Variants in SRGAP3 observed in about 807,000 individuals in gnomAD.
SRGAP3 encodes SLIT-ROBO Rho GTPase-activating protein 3.
SRGAP3 carries 39 observed loss-of-function variants against 121.1 expected under a neutral mutation model. That is an observed-to-expected ratio of 0.32 (90% CI 0.25 to 0.42). The LOEUF (loss-of-function observed/expected upper bound fraction) is 0.42. Ranked by LOEUF, SRGAP3 falls within the 10% of genes least tolerant of loss-of-function variation. The pLI, the probability that SRGAP3 is intolerant of heterozygous loss-of-function variation, is 1.00. For synonymous variants in SRGAP3, 601 were observed against 570.0 expected, an observed-to-expected ratio of 1.05 and a Z score of -0.77; for missense variants, 1,213 against 1,470.6, an observed-to-expected ratio of 0.82 and a Z score of 2.86.
intron 1 of SRGAP3, chr3:9,193,947 T>G (rs1440565946): frequency 1.3e-5 from 2 of 152,288 alleles, no homozygotes; most frequent in African/African-American, 4.8e-5. Flanking sequence ...CTTCCATTGC[T>G]CACCCGCCCC....
chr3:9,134,193 C>T (rs576748632), intron 1 of SRGAP3, among the ~76,000 whole-genome samples: 1 of 152,284 alleles, frequency 6.6e-6, no homozygotes, highest in Admixed American at 6.5e-5. Flanking sequence ...CAGAGTATGA[C>T]AGCAAAGAGC....
chr3:9,016,014 G>T (rs1174112864), intron 14 of SRGAP3: 2 of 457,736 alleles, frequency 4.4e-6, no homozygotes, highest in Non-Finnish European at 8.0e-6. Flanking sequence ...CGCTCTTTCT[G>T]TATTTATATT....
intron 1 of SRGAP3, among the ~76,000 whole-genome samples, chr3:9,143,809 G>T (rs1010938209): frequency 6.6e-6 from 1 of 152,184 alleles, no homozygotes. Flanking sequence ...TCCCTGAGGA[G>T]ACAACACCTT....
chr3:9,096,681 T>C (rs1199155704), intron 3 of SRGAP3, among the ~76,000 whole-genome samples: 2 of 151,466 alleles, frequency 1.3e-5, no homozygotes, highest in Non-Finnish European at 2.9e-5. Flanking sequence ...AAAAAGAAAT[T>C]AGAGGTTATA....
intron 2 of SRGAP3, among the ~76,000 whole-genome samples, chr3:9,117,846 G>A (rs1382995690): frequency 6.6e-6 from 1 of 152,232 alleles, no homozygotes; most frequent in Non-Finnish European, 1.5e-5. Context: ...AGAGCCAGGT[G>A]CGGTGGTTCT....
At chr3:9,350,720 G>A (rs2030086555) in intron 1 of SRGAP3, among the ~76,000 whole-genome samples, 1 of 152,100 alleles carries the variant, frequency 6.6e-6, no homozygotes, top group South Asian at 2.1e-4. Flanking sequence ...GTGTTCACTT[G>A]CACATGTAAC....
At chr3:9,095,587 T>C (rs1947934119) in intron 3 of SRGAP3, among the ~76,000 whole-genome samples, 1 of 152,204 alleles carries the variant, frequency 6.6e-6, no homozygotes, top group Non-Finnish European at 1.5e-5. Flanking sequence ...TAAGTAGTCA[T>C]CCTTTTCCCT....
intron 1 of SRGAP3, among the ~76,000 whole-genome samples, chr3:9,144,839 T>C (rs922276514): frequency 2.0e-5 from 3 of 152,226 alleles, no homozygotes; most frequent in Non-Finnish European, 2.9e-5. Flanking sequence ...TGTGGTATAC[T>C]CACGTTTGGG....
At position 9,123,323 on chromosome 3, in the gene SRGAP3, T is replaced by C. The variant is rs1037203323; in HGVS notation, c.260+1402A>G. Among the ~76,000 whole-genome samples the C allele has an allele frequency of 9.9e-5, 15 of 152,052 alleles. No homozygotes were observed. The East Asian group carries it at 1.7e-3, about 18-fold the overall frequency. ...TGCCACTGAACTGTTCATTTAAAAATGATGAAAATGGTAAATTTTATATTA... is the reference window on the plus strand; with the variant it reads ...TGCCACTGAACTGTTCATTTAAAAACGATGAAAATGGTAAATTTTATATTA... On this transcript the variant is annotated intron_variant, in intron 2 of 21. Coordinates refer to ENST00000383836, the MANE Select transcript of SRGAP3 (RefSeq NM_014850.4).
chr3:9,177,598 C>T (rs917568116), intron 1 of SRGAP3, among the ~76,000 whole-genome samples: 1 of 152,162 alleles, frequency 6.6e-6, no homozygotes, highest in Non-Finnish European at 1.5e-5. Context: ...AGGAGCTCCA[C>T]TGTCAGGGGC....
chr3:9,339,545 A>G (rs1419057877), intron 1 of SRGAP3, among the ~76,000 whole-genome samples: 1 of 152,238 alleles, frequency 6.6e-6, no homozygotes, highest in African/African-American at 2.4e-5. Context: ...TGACTGTGGC[A>G]ATGTGATATG....
intron 3 of SRGAP3, among the ~76,000 whole-genome samples, chr3:9,094,376 T>C (rs531719): frequency 0.31 from 47,728 of 152,144 alleles, 7,907 homozygotes; most frequent in South Asian, 0.38. Context: ...TCCCTAGCGA[T>C]GGACATTTAG....
At chr3:9,287,877 T>G (rs1463415989) in intron 3 of SRGAP3, among the ~76,000 whole-genome samples, 1 of 152,184 alleles carries the variant, frequency 6.6e-6, no homozygotes, top group Non-Finnish European at 1.5e-5. Flanking sequence ...CTTTAAGATC[T>G]TTTCTTTGTC....
At chr3:9,193,368 T>C (rs373019892) in intron 1 of SRGAP3, 36 of 152,404 alleles carry the variant, frequency 2.4e-4, no homozygotes, top group African/African-American at 8.7e-4. Flanking sequence ...TTGCTCCTCC[T>C]TAAAAGCCAC....
At chr3:9,327,374 T>C (rs1955538189) in intron 2 of SRGAP3, among the ~76,000 whole-genome samples, 1 of 149,686 alleles carries the variant, frequency 6.7e-6, no homozygotes. Flanking sequence ...TTCAAATCTT[T>C]AGCTTTATTT....
intron 2 of SRGAP3, among the ~76,000 whole-genome samples, chr3:9,110,414 T>G (rs1247388414): frequency 6.6e-6 from 1 of 152,106 alleles, no homozygotes; most frequent in Non-Finnish European, 1.5e-5. Flanking sequence ...AGCAAGGAGT[T>G]GGATGCTATT....
intron 10 of SRGAP3, among the ~76,000 whole-genome samples, chr3:9,039,526 G>A (rs1559979438): frequency 1.3e-5 from 2 of 152,174 alleles, no homozygotes; most frequent in Admixed American, 1.3e-4. Flanking sequence ...CATTTGGAGT[G>A]TATAATTCAG....
At chr3:9,006,411 A>AAG (rs1246096636) in intron 18 of SRGAP3, among the ~76,000 whole-genome samples, 1 of 149,344 alleles carries the variant, frequency 6.7e-6, no homozygotes, top group African/African-American at 2.6e-5. Context: ...AAAAAAAAAA[A>AAG]AAAGAAAAGA....
chr3:9,201,047 C>T (rs953469704), intron 1 of SRGAP3, among the ~76,000 whole-genome samples: 2 of 152,154 alleles, frequency 1.3e-5, no homozygotes, highest in African/African-American at 4.8e-5. Flanking sequence ...CAGAGGCCTC[C>T]CTCTGCTCTT....
Sources: gnomAD v4.1 joint callset for allele counts (sites outside exome capture counted in the v4.1 genomes callset) on GRCh38, gnomAD v4.1.1 for gene constraint, MANE v1.5 for transcripts, NCBI Gene and HGNC (gene_info 2026-07-23, HGNC 2026-07-21) for gene names.